Variants in SGCZ observed in about 807,000 individuals in gnomAD.
SGCZ encodes sarcoglycan zeta.
SGCZ carries 40 observed loss-of-function variants against 41.3 expected under a neutral mutation model. The ratio of observed to expected loss-of-function variants is 0.97; its 90% CI spans 0.75 to 1.26. SGCZ has a LOEUF of 1.26. SGCZ is among the 50% of genes most tolerant of loss of function. SGCZ has a pLI of 0.00. For synonymous variants in SGCZ, 206 were observed against 137.5 expected (o/e 1.50, Z -3.49); for missense variants, 552 against 369.8 (o/e 1.49, Z -4.04).
intron 3 of SGCZ, among the ~76,000 whole-genome samples, chr8:14,306,892 G>A (rs1289220520): frequency 6.6e-6 from 1 of 152,056 alleles, no homozygotes; most frequent in Non-Finnish European, 1.5e-5. Context: ...AAGTACTAGA[G>A]GATAAAAAGC....
chr8:14,185,247 C>CA (rs1804864993), intron 4 of SGCZ, among the ~76,000 whole-genome samples: 1 of 151,664 alleles, frequency 6.6e-6, no homozygotes, highest in African/African-American at 2.4e-5. Flanking sequence ...TAAAAAGATA[C>CA]AAAAAAATTA....
chr8:14,443,996 G>A (rs1360046382), intron 2 of SGCZ, among the ~76,000 whole-genome samples: 2 of 152,102 alleles, frequency 1.3e-5, no homozygotes, highest in African/African-American at 4.8e-5. Context: ...CAAAAAGTGG[G>A]TGAAGGATAT....
intron 2 of SGCZ, among the ~76,000 whole-genome samples, chr8:14,417,808 T>C (rs1409503877): frequency 6.6e-6 from 1 of 151,880 alleles, no homozygotes; most frequent in Non-Finnish European, 1.5e-5. Context: ...AATGTGTATG[T>C]ATATTGAAAT....
At chr8:14,529,810 GCCC>G (rs1374348633) in intron 2 of SGCZ, among the ~76,000 whole-genome samples, 10 of 151,984 alleles carry the variant, frequency 6.6e-5, no homozygotes, top group Non-Finnish European at 1.0e-4. Flanking sequence ...TCCTTAAGCA[GCCC>G]CTTATTCTCA....
At chr8:14,775,067 G>T (rs1206852813) in intron 1 of SGCZ, among the ~76,000 whole-genome samples, 1 of 152,108 alleles carries the variant, frequency 6.6e-6, no homozygotes, top group Non-Finnish European at 1.5e-5. Flanking sequence ...AAATTGTAAA[G>T]AAAATTGCAC....
chr8:14,743,741 G>A (rs527445019), intron 1 of SGCZ, among the ~76,000 whole-genome samples: 52 of 151,872 alleles, frequency 3.4e-4, no homozygotes, highest in Non-Finnish European at 5.6e-4. Flanking sequence ...TTCTTTTTCC[G>A]TCTTGCAAAA....
At chr8:14,551,690 C>T (rs2117183082) in intron 2 of SGCZ, among the ~76,000 whole-genome samples, 1 of 74,920 alleles carries the variant, frequency 1.3e-5, no homozygotes, top group Admixed American at 1.5e-4. Flanking sequence ...CTCTCATAGC[C>T]AGGAAATTAT....
At chr8:14,962,511 A>T (rs1443981511) in intron 1 of SGCZ, among the ~76,000 whole-genome samples, 21 of 152,148 alleles carry the variant, frequency 1.4e-4, no homozygotes, top group Admixed American at 1.4e-3. Flanking sequence ...ATACTACTTA[A>T]AGAAATATAC....
intron 1 of SGCZ, among the ~76,000 whole-genome samples, chr8:15,003,462 C>A (rs745437966): frequency 6.6e-6 from 1 of 152,020 alleles, no homozygotes; most frequent in Non-Finnish European, 1.5e-5. Flanking sequence ...TACAGGTATG[C>A]TATAAGGTGA....
At position 14,275,584 on chromosome 8, in the gene SGCZ, G is replaced by A. The variant is rs181928693; in HGVS notation, c.337-37905C>T. On this transcript the variant is annotated intron_variant, in intron 3 of 7. Transcript: ENST00000382080. ...TCAGGGTTTAGGGGAAACATAAAAG[G>A]AAAGGGAGTATTCTTACCCCAGGAA... Among the ~76,000 whole-genome samples, 241 of 152,180 alleles carry A rather than the reference G, an allele frequency of 1.6e-3. 1 individual carries two copies. The highest frequency in any genetic ancestry group is 5.4e-3 in the African/African-American group (225 of 41,518).
At chr8:14,817,097 C>G (rs1801927429) in intron 1 of SGCZ, among the ~76,000 whole-genome samples, 2 of 152,152 alleles carry the variant, frequency 1.3e-5, no homozygotes, top group South Asian at 4.2e-4. Context: ...GTTCATCTCC[C>G]CTTCCCAGTA....
chr8:15,108,711 T>A (rs573940090), intron 1 of SGCZ, among the ~76,000 whole-genome samples: 59 of 152,162 alleles, frequency 3.9e-4, no homozygotes, highest in Non-Finnish European at 7.5e-4. Context: ...ATCGAAGATA[T>A]TTGAAAATTA....
chr8:14,549,927 C>G (rs959389252), intron 2 of SGCZ, among the ~76,000 whole-genome samples: 5 of 151,804 alleles, frequency 3.3e-5, no homozygotes, highest in Non-Finnish European at 7.4e-5. Flanking sequence ...TTGGTAAGGT[C>G]AACAAAAGAA....
At chr8:14,676,523 G>C (rs529166149) in intron 1 of SGCZ, among the ~76,000 whole-genome samples, 1 of 152,114 alleles carries the variant, frequency 6.6e-6, no homozygotes, top group Non-Finnish European at 1.5e-5. Context: ...ATCTCTATCA[G>C]AGTAAACCTC....
intron 1 of SGCZ, among the ~76,000 whole-genome samples, chr8:15,068,978 C>G (rs1216588878): frequency 6.6e-6 from 1 of 152,142 alleles, no homozygotes; most frequent in East Asian, 1.9e-4. Context: ...ACAGTAAGAA[C>G]AGAATACAAC....
At chr8:14,479,529 C>T (rs1389768571) in intron 2 of SGCZ, among the ~76,000 whole-genome samples, 1 of 152,116 alleles carries the variant, frequency 6.6e-6, no homozygotes, top group Non-Finnish European at 1.5e-5. Flanking sequence ...TCAATCCAAT[C>T]AAATTGACAC....
In SGCZ at chr8:14,280,098, G is replaced by A. The variant is rs376410078; in HGVS notation, c.337-42419C>T. 3.7e-4 allele frequency among the ~76,000 whole-genome samples: 56 copies of A among 151,842 alleles called. 1 individual carries two copies. The South Asian group carries it at 0.011, about 31-fold the overall frequency. ...AAATGGGATTAAGTTTGAATTAGGA[G>A]GAAAAATAATGAAATATACTTTTAC... is the stretch of plus-strand genomic sequence containing the variant. On this transcript the variant is annotated intron_variant, in intron 3 of 7. Coordinates refer to ENST00000382080, the MANE Select transcript of SGCZ (RefSeq NM_139167.4).
intron 1 of SGCZ, among the ~76,000 whole-genome samples, chr8:14,614,311 A>G (rs1355304): frequency 0.44 from 66,693 of 151,976 alleles, 15,007 homozygotes; most frequent in Non-Finnish European, 0.48. Flanking sequence ...ATATTTTTCC[A>G]TATAATTACA....
chr8:14,504,865 T>A (rs17119486), intron 2 of SGCZ, among the ~76,000 whole-genome samples: 1 of 151,912 alleles, frequency 6.6e-6, no homozygotes, highest in Non-Finnish European at 1.5e-5. Context: ...ATATTTCACT[T>A]TCCTCTTTCT....
Sources: allele counts gnomAD v4.1 joint callset (sites outside exome capture counted in the v4.1 genomes callset), GRCh38; gene constraint gnomAD v4.1.1; transcripts MANE v1.5; gene names NCBI Gene and HGNC (gene_info 2026-07-23, HGNC 2026-07-21).